The following RRP1 variants were observed in gnomAD, a reference collection of about 807,000 sequenced individuals.
RRP1 encodes the protein ribosomal RNA processing 1.
Under a neutral mutation model 54.6 loss-of-function variants are expected in RRP1, and 37 were observed. That is an observed-to-expected ratio of 0.68 (90% CI 0.52 to 0.89). RRP1 has a LOEUF of 0.89. Ranked by LOEUF, RRP1 falls within the 40% of genes least tolerant of loss-of-function variation. RRP1 has a pLI of 0.00. For missense variants in RRP1, 639 were observed against 612.5 expected, an observed-to-expected ratio of 1.04 and a Z score of -0.46; for synonymous variants, 262 against 244.3, an observed-to-expected ratio of 1.07 and a Z score of -0.67.
chr21:43,792,287 C>T (rs769294237), intron 2 of RRP1, among the ~76,000 whole-genome samples: 1 of 152,168 alleles, frequency 6.6e-6, no homozygotes, highest in African/African-American at 2.4e-5. Context: ...TATGGGGTCT[C>T]GCAGCCCTCT....
intron 9 of RRP1, 98 bp from the exon 10 acceptor site, chr21:43,800,419 G>A: frequency 2.7e-6 from 3 of 1,104,670 alleles, no homozygotes; most frequent in Middle Eastern, 2.1e-4. Flanking sequence ...GAACCTGCAA[G>A]TGGGACCAAG....
In RRP1 at chr21:43,797,448, T is replaced by C. The variant is rs754182732; in HGVS notation, c.449T>C (p.Leu150Pro). The change falls in exon 6 of 13, where the codon CTG becomes CCG. Residue 150 changes from leucine (L) to proline (P), a missense_variant. Physicochemically the swap from Leu to Pro is moderately conservative, Grantham distance 98 (BLOSUM62 -3). Coordinates refer to ENST00000497547, the MANE Select transcript of RRP1 (RefSeq NM_003683.6). ...ERQIEELLELLMTEILHPSSQ... is the reference protein window; with the variant it reads ...ERQIEELLELPMTEILHPSSQ... ...CAGATCGAGGAGCTGCTAGAGCTGC[T>C]GATGACTGAGATCCTGCACCCCAGC... The C allele has an allele frequency of 8.1e-6, 13 of 1,613,142 alleles. No homozygotes were observed. The highest frequency in any genetic ancestry group is 1.0e-5 in the Non-Finnish European group (12 of 1,179,990).
chr21:43,791,367 G>A lies in RRP1; in HGVS notation c.151G>A (p.Glu51Lys). The A allele has an allele frequency of 2.5e-6, 4 of 1,614,020 alleles. No individual in the cohort carries two copies. The highest frequency in any genetic ancestry group is 3.4e-6 in the Non-Finnish European group (4 of 1,179,962). ...TGATGCAGGTGGTTTTACGCACGAC[G>A]AGCTGCTGAAGGTGTGGAAAGGACT... is the stretch of plus-strand genomic sequence containing the variant. The part of the protein sequence containing the change: ...QRAAGGFTHD[E>K]LLKVWKGLFY... The change falls in exon 2 of 13, where the codon GAG (glutamate) becomes AAG (lysine). Residue 51 changes from glutamate to lysine, a missense_variant. Transcript: ENST00000497547.
chr21:43,800,389 G>C, intron 9 of RRP1, 128 bp from the exon 10 acceptor site: 1 of 774,792 alleles, frequency 1.3e-6, no homozygotes, highest in Non-Finnish European at 2.2e-6. Flanking sequence ...GGTGGGCTGT[G>C]TTCCTGTGAG....
In RRP1 at chr21:43,799,621, AC is replaced by A. The variant is rs1463176989; in HGVS notation, c.864del (p.Asp288GlufsTer40). The A allele has an allele frequency of 6.2e-7, 1 of 1,612,064 alleles. No individual in the cohort carries two copies. The highest frequency in any genetic ancestry group is 2.2e-5 in the East Asian group (1 of 44,860). The part of the protein sequence containing the change: ...PEAGEEQAGD[D>X]RDSGGPVLQF... ...GCTGGTGAGGAGCAGGCAGGTGACG[AC>A]AGGGACAGTGGCGGCCCCGTTCTCC... On this transcript the variant is annotated frameshift_variant, in exon 9 of 13. Transcript: ENST00000497547. LOFTEE classifies it high-confidence loss of function.
intron 11 of RRP1, among the ~76,000 whole-genome samples, chr21:43,801,707 A>G (rs2085093545): frequency 6.6e-6 from 1 of 152,082 alleles, no homozygotes; most frequent in Admixed American, 6.5e-5. Flanking sequence ...TTTTCGGGAC[A>G]GCGCGCGTCA....
At chr21:43,798,214 C>T in intron 8 of RRP1, 114 bp downstream of exon 8, 2 of 860,620 alleles carry the variant, frequency 2.3e-6, no homozygotes, top group Non-Finnish European at 3.5e-6. Context: ...GTCTCTGCCC[C>T]TCTCCACAGT....
At chr21:43,800,492 C>T in intron 9 of RRP1, 25 bp from the exon 10 acceptor site, 1 of 1,612,256 alleles carries the variant, frequency 6.2e-7, no homozygotes, top group Non-Finnish European at 8.5e-7. Context: ...GACCTTGCCT[C>T]TGTGACGTCT....
In RRP1 at chr21:43,792,748, A is replaced by G. The variant is rs745886689; in HGVS notation, c.274+19A>G. 2 of 1,613,532 alleles carry G rather than the reference A, an allele frequency of 1.2e-6. No homozygotes were observed. The highest frequency in any genetic ancestry group is 1.7e-5 in the Admixed American group (1 of 60,000). ...GAGGCGCGTGAGTATGCTCTGCTGT[A>G]GTTGGGTGCATTTGTAGATGTCAGA... On this transcript the variant is annotated intron_variant, in intron 3 of 12. Transcript: ENST00000497547.
chr21:43,800,938 C>G (rs1183624640), intron 11 of RRP1, 57 bp downstream of exon 11: 5 of 1,592,680 alleles, frequency 3.1e-6, no homozygotes, highest in Non-Finnish European at 4.3e-6. Context: ...GCTCCATCCT[C>G]GTGGGAGTGG....
At chr21:43,792,946 G>C in intron 3 of RRP1, 1 of 588,342 alleles carries the variant, frequency 1.7e-6, no homozygotes, top group East Asian at 2.9e-5. Flanking sequence ...CCCTCATTTC[G>C]AGCCTAATGG....
intron 3 of RRP1, 76 bp downstream of exon 3, chr21:43,792,805 A>T: frequency 6.7e-7 from 1 of 1,498,024 alleles, no homozygotes; most frequent in Non-Finnish European, 9.3e-7. Flanking sequence ...CAGACCCAGG[A>T]GGTTTGTGTT....
intron 8 of RRP1, among the ~76,000 whole-genome samples, chr21:43,798,657 GAGGGGCAGGTGTACTCACCTGCCCCTCA>G (rs2085049761): frequency 6.6e-6 from 1 of 152,060 alleles, no homozygotes; most frequent in Non-Finnish European, 1.5e-5. Context: ...CAGTGTGTGT[GAGGGGCAGGTGTACTCACCTGCCCCTCA>G]CTGCCTGCCA....
chr21:43,802,472 C>T (rs547513981), intron 12 of RRP1, 85 bp downstream of exon 12: 7 of 1,054,440 alleles, frequency 6.6e-6, no homozygotes, highest in Admixed American at 5.6e-5. Flanking sequence ...TGCAGTGTCT[C>T]CCCCTGAAGC....
chr21:43,793,114 G>A lies in RRP1; in HGVS notation c.275-205G>A, dbSNP rs557811052. The A allele has an allele frequency of 1.9e-5, 11 of 578,358 alleles. No individual in the cohort carries two copies. The East Asian group carries it at 3.2e-4, about 17-fold the overall frequency. The allele number at this position is 578,358 out of a possible 1,614,324, so 35.8% of individuals were successfully genotyped here. ...GAGTTGAGAAGTTCTTACCCTGCCTGTCTGTAGGACTCACTTGAGGAGCCT... is the reference window on the plus strand; with the variant it reads ...GAGTTGAGAAGTTCTTACCCTGCCTATCTGTAGGACTCACTTGAGGAGCCT... On this transcript the variant is annotated intron_variant, in intron 3 of 12. Transcript: ENST00000497547.
chr21:43,796,145 T>TTTTTTTTTGAGACGGAGTC (rs2085016573), intron 5 of RRP1, among the ~76,000 whole-genome samples: 1 of 152,068 alleles, frequency 6.6e-6, no homozygotes, highest in Non-Finnish European at 1.5e-5. Flanking sequence ...GTTTTTTTTT[T>TTTTTTTTTGAGACGGAGTC]TTAAAGAATC....
At chr21:43,793,505 A>G in intron 4 of RRP1, 101 bp downstream of exon 4, 1 of 958,952 alleles carries the variant, frequency 1.0e-6, no homozygotes, top group Admixed American at 2.0e-5. Context: ...AACCTGAGGC[A>G]GTGCGACCCT....
intron 2 of RRP1, among the ~76,000 whole-genome samples, chr21:43,791,846 C>T (rs2084962710): frequency 2.0e-5 from 3 of 152,126 alleles, no homozygotes; most frequent in African/African-American, 4.8e-5. Context: ...GTGGGGAGGT[C>T]GTATAGCCTT....
rs1276258993 is a variant in RRP1 at position 43,798,429 on chromosome 21, C to G, written c.811+329C>G. ...TCCGTCCCTCCCACCGTCTCTCCCC[C>G]CATCACTCTCTGGGGCTGGACTCTT... On this transcript the variant is annotated intron_variant, in intron 8 of 12. Transcript: ENST00000497547. Among the ~76,000 whole-genome samples the G allele has an allele frequency of 2.2e-4, 33 of 152,286 alleles. 1 individual carries two copies. The highest frequency in any genetic ancestry group is 1.4e-3 in the East Asian group (7 of 5,176).
Sources: allele counts gnomAD v4.1 joint callset (sites outside exome capture counted in the v4.1 genomes callset), GRCh38; gene constraint gnomAD v4.1.1; transcripts MANE v1.5; gene names NCBI Gene and HGNC (gene_info 2026-07-23, HGNC 2026-07-21).